Variants in ARG2 observed in about 807,000 individuals in gnomAD.
ARG2 encodes arginase 2.
Under a neutral mutation model 39.4 loss-of-function variants are expected in ARG2, and 21 were observed. That is an observed-to-expected ratio of 0.53 (90% CI 0.38 to 0.77). The LOEUF (loss-of-function observed/expected upper bound fraction) is 0.77. Ranked by LOEUF, ARG2 falls within the 30% of genes least tolerant of loss-of-function variation. ARG2 has a pLI of 0.00. For missense variants in ARG2, 378 were observed against 426.2 expected (o/e 0.89, Z 1.00); for synonymous variants, 150 against 156.7 (o/e 0.96, Z 0.32).
chr14:67,639,094 G>C (rs991727219), intron 2 of ARG2, among the ~76,000 whole-genome samples: 1 of 152,170 alleles, frequency 6.6e-6, no homozygotes. Context: ...CTGAATTAGC[G>C]ACTGAAATCC....
intron 2 of ARG2, 80 bp downstream of exon 2, chr14:67,621,046 T>C: frequency 3.0e-6 from 4 of 1,343,686 alleles, no homozygotes; most frequent in South Asian, 2.4e-5. Flanking sequence ...ATCCAGGGAC[T>C]ACACAGCTTT....
chr14:67,648,904 G>C (rs1371428456), intron 7 of ARG2: 2 of 152,184 alleles, frequency 1.3e-5, no homozygotes, highest in Admixed American at 1.3e-4. Flanking sequence ...GGTATAGATA[G>C]AGACCCCAGA....
At position 67,650,970 on chromosome 14, in the gene ARG2, G is replaced by A. The variant is rs780331868; in HGVS notation, c.*50G>A. 3.9e-6 allele frequency: 6 copies of A among 1,541,920 alleles called. No individual in the cohort carries two copies. The South Asian group carries it at 6.8e-5, about 17-fold the overall frequency. On this transcript the variant is annotated 3_prime_UTR_variant, in exon 8 of 8. Transcript: ENST00000261783. ...CACAACAGGCATTCCAGAATTATGA[G>A]GCATTGAGGGGATAGATGAATACTA...
At chr14:67,625,594 T>A (rs2036856107) in intron 2 of ARG2, among the ~76,000 whole-genome samples, 1 of 148,366 alleles carries the variant, frequency 6.7e-6, no homozygotes, top group African/African-American at 2.5e-5. Context: ...GCAGGAGAAT[T>A]GCTTGAACCT....
chr14:67,635,028 T>G (rs2036956843), intron 2 of ARG2, among the ~76,000 whole-genome samples: 1 of 152,194 alleles, frequency 6.6e-6, no homozygotes, highest in Non-Finnish European at 1.5e-5. Flanking sequence ...GTGGATCGCC[T>G]GAGGCCAGGG....
intron 3 of ARG2, among the ~76,000 whole-genome samples, chr14:67,642,834 G>T (rs1364302427): frequency 1.1e-4 from 12 of 113,908 alleles, no homozygotes; most frequent in Non-Finnish European, 2.0e-4. Context: ...ATAGGGTCTG[G>T]CTCTGTTGCC....
intron 3 of ARG2, among the ~76,000 whole-genome samples, chr14:67,642,788 A>ATTTTT (rs1169208904): frequency 1.2e-4 from 4 of 33,730 alleles, no homozygotes; most frequent in Admixed American, 4.2e-4. Flanking sequence ...ATGTTACTAC[A>ATTTTT]TTTTCTTTTT....
rs2037041811 is a variant in ARG2, at chr14:67,642,322, G to T, written c.321G>T (p.Val107=). Residue 107 remains valine, a synonymous_variant, in exon 3 of 8, where the codon GTG becomes GTT. Transcript: ENST00000261783. The stretch of plus-strand genomic sequence containing the variant: ...TGGCTGAGGTGGTTAGCAGAGCTGT[G>T]TCAGATGGCTACAGCTGTGTCACAC... ...QELAEVVSRA[V]SDGYSCVTLG... The T allele has an allele frequency of 6.2e-7, 1 of 1,614,104 alleles. No homozygotes were observed. Among genetic ancestry groups the T allele is most frequent in the African/African-American group, 1.3e-5 (1 of 75,048 alleles).
At chr14:67,639,948 A>C (rs898652928) in intron 2 of ARG2, among the ~76,000 whole-genome samples, 1 of 150,504 alleles carries the variant, frequency 6.6e-6, no homozygotes, top group East Asian at 2.0e-4. Flanking sequence ...AAAAAAAAAA[A>C]AGTCTGTGCA....
chr14:67,648,140 C>G lies in ARG2; in HGVS notation c.816C>G (p.Thr272=). The G allele has an allele frequency of 6.2e-7, 1 of 1,614,042 alleles. No individual in the cohort carries two copies. The highest frequency in any genetic ancestry group is 8.5e-7 in the Non-Finnish European group (1 of 1,179,920). The change falls in exon 7 of 8, where the codon ACC becomes ACG. Residue 272 remains threonine (T), a synonymous_variant. Transcript: ENST00000261783. ...GAACTCCTGTTGTCGGGGGACTAAC[C>G]TATCGAGAAGGCATGTATATTGCTG... ...ATGTPVVGGL[T]YREGMYIAEE...
intron 2 of ARG2, among the ~76,000 whole-genome samples, chr14:67,640,532 A>G (rs1260619733): frequency 6.6e-6 from 1 of 152,184 alleles, no homozygotes. Context: ...TGGGTTCAAG[A>G]GGTAGAGCTC....
chr14:67,635,517 G>T (rs2036962125), intron 2 of ARG2, among the ~76,000 whole-genome samples: 1 of 152,148 alleles, frequency 6.6e-6, no homozygotes, highest in Non-Finnish European at 1.5e-5. Flanking sequence ...AGTATTTCAA[G>T]TACAAGCTTG....
At chr14:67,643,852 T>TTA (rs2037063109) in intron 3 of ARG2, among the ~76,000 whole-genome samples, 2 of 81,174 alleles carry the variant, frequency 2.5e-5, no homozygotes, top group Admixed American at 1.2e-4. Flanking sequence ...TCCTTGGGAG[T>TTA]AAAAAAAAAA....
intron 2 of ARG2, among the ~76,000 whole-genome samples, chr14:67,631,429 T>C (rs1310547281): frequency 1.4e-5 from 2 of 142,734 alleles, no homozygotes; most frequent in African/African-American, 5.4e-5. Context: ...ATCCTTTCTT[T>C]CTTTCTTTTT....
At chr14:67,639,619 C>T (rs1050636769) in intron 2 of ARG2, among the ~76,000 whole-genome samples, 9 of 151,944 alleles carry the variant, frequency 5.9e-5, no homozygotes, top group African/African-American at 2.2e-4. Flanking sequence ...AGGAATTGTC[C>T]ATTCAAGATC....
At chr14:67,635,241 C>CA (rs531549512) in intron 2 of ARG2, among the ~76,000 whole-genome samples, 1 of 151,338 alleles carries the variant, frequency 6.6e-6, no homozygotes, top group East Asian at 1.9e-4. Flanking sequence ...AAGACCATCT[C>CA]AAAAAAAAGA....
chr14:67,625,729 G>GA (rs1237747306), intron 2 of ARG2, among the ~76,000 whole-genome samples: 3 of 109,188 alleles, frequency 2.7e-5, no homozygotes, highest in African/African-American at 3.9e-5. Flanking sequence ...TCAATGTAAT[G>GA]AAAAACCAAA....
Position 67,642,356 on chromosome 14 carries a change from G to A in ARG2, c.355G>A (p.Asp119Asn). 1 of 1,613,744 alleles carries A rather than the reference G, an allele frequency of 6.2e-7. No homozygotes were observed. Among genetic ancestry groups the A allele is most frequent in the African/African-American group, 1.3e-5 (1 of 75,048 alleles). ...DGYSCVTLGG[D>N]HSLAIGTISG... is the part of the protein sequence containing the mutation. Reference sequence around the variant, plus strand: ...CTACAGCTGTGTCACACTGGGAGGAGACCACAGGTAAGCTGGGAGCCAGGC... The same window carrying A: ...CTACAGCTGTGTCACACTGGGAGGAAACCACAGGTAAGCTGGGAGCCAGGC... The change falls in exon 3 of 8, where the codon GAC becomes AAC. Residue 119 changes from aspartate (D) to asparagine (N), a missense_variant. Coordinates refer to ENST00000261783, the MANE Select transcript of ARG2 (RefSeq NM_001172.4).
chr14:67,645,697 T>G lies in ARG2; in HGVS notation c.417T>G (p.Val139=). 1 of 1,614,060 alleles carries G rather than the reference T, an allele frequency of 6.2e-7. No individual in the cohort carries two copies. Among genetic ancestry groups the G allele is most frequent in the Non-Finnish European group, 8.5e-7 (1 of 1,179,954 alleles). ...CCCGACACTGCCCAGACCTTTGTGT[T>G]GTCTGGGTTGATGCCCATGCTGACA... ...GHARHCPDLC[V]VWVDAHADIN... is the part of the protein sequence containing the mutation. Residue 139 remains valine, a synonymous_variant, in exon 4 of 8, where the codon GTT becomes GTG. Transcript: ENST00000261783.
Sources: allele counts gnomAD v4.1 joint callset (sites outside exome capture counted in the v4.1 genomes callset), GRCh38; gene constraint gnomAD v4.1.1; transcripts MANE v1.5; gene names NCBI Gene and HGNC (gene_info 2026-07-23, HGNC 2026-07-21).